PHACTR3: variants seen among roughly 807,000 people sequenced by gnomAD.
PHACTR3 encodes the protein phosphatase and actin regulator 3.
Under a neutral mutation model 66.8 loss-of-function variants are expected in PHACTR3, and 16 were observed. The ratio of observed to expected loss-of-function variants is 0.24; its 90% CI spans 0.16 to 0.36. PHACTR3 has a LOEUF of 0.36. Ranked by LOEUF, PHACTR3 falls within the 10% of genes least tolerant of loss-of-function variation. The pLI, the probability that PHACTR3 is intolerant of heterozygous loss-of-function variation, is 1.00. For missense variants in PHACTR3, 647 were observed against 719.9 expected (o/e 0.90, Z 1.16); for synonymous variants, 323 against 292.1 (o/e 1.11, Z -1.08).
rs139423157 is a variant in PHACTR3, at chr20:59,636,262, TG to T, written c.118+31135del. 9.8e-5 allele frequency among the ~76,000 whole-genome samples: 15 copies of T among 152,306 alleles called. No individual in the cohort carries two copies. The East Asian group carries it at 2.5e-3, about 25-fold the overall frequency. On this transcript the variant is annotated intron_variant, in intron 1 of 12. Coordinates refer to ENST00000371015, the MANE Select transcript of PHACTR3 (RefSeq NM_080672.5). ...GTTCCTGAGTCTTTGGACAGTTTAA[TG>T]GGGGCATGGATCAGGTCGCAGATAG...
intron 1 of PHACTR3, among the ~76,000 whole-genome samples, chr20:59,613,674 A>G (rs955433429): frequency 6.6e-6 from 1 of 152,218 alleles, no homozygotes; most frequent in African/African-American, 2.4e-5. Flanking sequence ...TAAAAGCACA[A>G]TGTGATCAAA....
At chr20:59,821,907 C>T (rs2042038053) in intron 8 of PHACTR3, among the ~76,000 whole-genome samples, 1 of 151,660 alleles carries the variant, frequency 6.6e-6, no homozygotes, top group African/African-American at 2.4e-5. Flanking sequence ...GAAAGAGGAA[C>T]CCTGAGAGGC....
intron 3 of PHACTR3, among the ~76,000 whole-genome samples, chr20:59,748,365 G>A (rs965331792): frequency 4.6e-5 from 7 of 152,066 alleles, no homozygotes; most frequent in Non-Finnish European, 7.4e-5. Flanking sequence ...ACTTGCAGAC[G>A]AGGCGTGGGA....
chr20:59,825,578 A>G (rs990720460), intron 8 of PHACTR3, among the ~76,000 whole-genome samples: 6 of 152,272 alleles, frequency 3.9e-5, no homozygotes, highest in African/African-American at 1.2e-4. Context: ...TAAATAATCA[A>G]TTCTGGCCAT....
chr20:59,703,145 A>C (rs1650147127), intron 1 of PHACTR3, among the ~76,000 whole-genome samples: 1 of 152,176 alleles, frequency 6.6e-6, no homozygotes, highest in African/African-American at 2.4e-5. Flanking sequence ...CAGGTCCTGA[A>C]ATTTGCCGAC....
intron 1 of PHACTR3, among the ~76,000 whole-genome samples, chr20:59,617,038 G>T (rs928298894): frequency 3.3e-5 from 5 of 152,110 alleles, no homozygotes; most frequent in African/African-American, 1.2e-4. Flanking sequence ...ATTTTAATGT[G>T]ATTATTTTCC....
chr20:59,743,289 G>A (rs972150482), intron 2 of PHACTR3, 21 bp downstream of exon 2: 14 of 1,612,442 alleles, frequency 8.7e-6, no homozygotes, highest in Admixed American at 5.0e-5. Flanking sequence ...GGTGACAGGC[G>A]CGGGCAGGCT....
chr20:59,799,173 A>G (rs1004956555), intron 7 of PHACTR3, among the ~76,000 whole-genome samples: 3 of 117,356 alleles, frequency 2.6e-5, no homozygotes, highest in African/African-American at 6.7e-5. Context: ...GTCCTTTGGC[A>G]TTTATTGAAG....
rs1202526188 is a variant in PHACTR3 at position 59,830,287 on chromosome 20, CAAGT to C, written c.1329-6217_1329-6214del. Among the ~76,000 whole-genome samples, 1 of 133,940 alleles carries C rather than the reference CAAGT, an allele frequency of 7.5e-6. No individual in the cohort carries two copies. Among genetic ancestry groups the C allele is most frequent in the Non-Finnish European group, 1.6e-5 (1 of 63,980 alleles). 87.9% of individuals were successfully genotyped at this position (133,940 alleles called of 152,430 possible). On this transcript the variant is annotated intron_variant, in intron 8 of 12. Coordinates refer to ENST00000371015, the MANE Select transcript of PHACTR3 (RefSeq NM_080672.5). This position sits in a 1 kb window ranked among gnomAD's most constrained non-coding sequence, Gnocchi z 5.8. ...AGAGGGTATGAGTGTCTGATGGAAGCAAGTGAGTGATGGACAGTGTGAGTAGATG... is the reference window on the plus strand; with the variant it reads ...AGAGGGTATGAGTGTCTGATGGAAGCGAGTGATGGACAGTGTGAGTAGATG...
intron 7 of PHACTR3, among the ~76,000 whole-genome samples, chr20:59,800,231 T>C (rs1404304271): frequency 1.3e-5 from 2 of 152,218 alleles, no homozygotes; most frequent in Non-Finnish European, 2.9e-5. Flanking sequence ...TTTACACTTG[T>C]GGTTACCATT....
intron 1 of PHACTR3, among the ~76,000 whole-genome samples, chr20:59,614,512 G>A (rs1467129713): frequency 1.3e-5 from 2 of 152,206 alleles, no homozygotes; most frequent in Admixed American, 6.5e-5. Context: ...TAATGGTCAC[G>A]ACATCTGTAG....
intron 8 of PHACTR3, among the ~76,000 whole-genome samples, chr20:59,824,994 G>C (rs2042144023): frequency 6.6e-6 from 1 of 152,238 alleles, no homozygotes; most frequent in South Asian, 2.1e-4. Flanking sequence ...AGGCAGAGCT[G>C]TGTCCCACAA....
At chr20:59,635,795 A>G (rs1011314824) in intron 1 of PHACTR3, among the ~76,000 whole-genome samples, 1 of 152,210 alleles carries the variant, frequency 6.6e-6, no homozygotes, top group African/African-American at 2.4e-5. Flanking sequence ...GACAGGGACT[A>G]CACAAAGCTT....
intron 1 of PHACTR3, among the ~76,000 whole-genome samples, chr20:59,735,578 T>C (rs1274252354): frequency 6.6e-6 from 1 of 152,122 alleles, no homozygotes; most frequent in Non-Finnish European, 1.5e-5. Flanking sequence ...AAATACCTGA[T>C]GTCACTAAAG....
chr20:59,630,095 C>A (rs2146389901), intron 1 of PHACTR3, among the ~76,000 whole-genome samples: 1 of 152,238 alleles, frequency 6.6e-6, no homozygotes, highest in South Asian at 2.1e-4. Flanking sequence ...ACACTGATTT[C>A]CTGGCAATGT....
chr20:59,824,918 A>G (rs565289485), intron 8 of PHACTR3, among the ~76,000 whole-genome samples: 20 of 152,232 alleles, frequency 1.3e-4, no homozygotes, highest in South Asian at 6.2e-4. Flanking sequence ...TGTTATTTCC[A>G]TGGAGGTCTG....
chr20:59,814,743 A>G (rs2041838217), intron 8 of PHACTR3, among the ~76,000 whole-genome samples: 1 of 152,104 alleles, frequency 6.6e-6, no homozygotes, highest in Admixed American at 6.5e-5. Context: ...TGTGTGTTCC[A>G]GTGAAATAAG....
rs779586095 is a variant in PHACTR3 at position 59,740,150 on chromosome 20, T to C, written c.119-2957T>C. Reference sequence around the variant, plus strand: ...TCATATCATAGAAATTATTATAATATAAATTTTGACCAAAAGTTACCTGCA... The same window carrying C: ...TCATATCATAGAAATTATTATAATACAAATTTTGACCAAAAGTTACCTGCA... On this transcript the variant is annotated intron_variant, in intron 1 of 12. Transcript: ENST00000371015. 3.9e-5 allele frequency among the ~76,000 whole-genome samples: 6 copies of C among 152,170 alleles called. No homozygotes were observed. The South Asian group carries it at 8.3e-4, about 21-fold the overall frequency.
At chr20:59,844,450 C>T (rs767360322) in intron 11 of PHACTR3, 4 of 151,990 alleles carry the variant, frequency 2.6e-5, no homozygotes, top group African/African-American at 7.2e-5. Flanking sequence ...AAATGTAGTG[C>T]GTGTATATAT....
Sources: gnomAD v4.1 joint callset for allele counts (sites outside exome capture counted in the v4.1 genomes callset) on GRCh38, gnomAD v4.1.1 for gene constraint, Gnocchi (gnomAD v3.1) non-coding constraint, MANE v1.5 for transcripts, NCBI Gene and HGNC (gene_info 2026-07-23, HGNC 2026-07-21) for gene names.